Variants in RIMS2 observed in about 807,000 individuals in gnomAD.
RIMS2 encodes regulating synaptic membrane exocytosis protein 2.
RIMS2 carries 59 observed loss-of-function variants against 174.4 expected under a neutral mutation model. The ratio of observed to expected loss-of-function variants is 0.34; its 90% CI spans 0.27 to 0.42. RIMS2 has a LOEUF of 0.42. RIMS2 is among the 10% of genes least tolerant of loss of function. The pLI is 1.00. For synonymous variants in RIMS2, 606 were observed against 572.5 expected, an observed-to-expected ratio of 1.06 and a Z score of -0.84; for missense variants, 1,620 against 1,666.3, an observed-to-expected ratio of 0.97 and a Z score of 0.48.
chr8:103,727,173 G>A (rs1042466550), intron 2 of RIMS2, among the ~76,000 whole-genome samples: 1 of 151,836 alleles, frequency 6.6e-6, no homozygotes, highest in African/African-American at 2.4e-5. Flanking sequence ...GATATTATTT[G>A]AATTTTTTAG....
chr8:104,037,892 A>G (rs760463840), intron 19 of RIMS2, among the ~76,000 whole-genome samples: 19 of 152,136 alleles, frequency 1.2e-4, no homozygotes, highest in Non-Finnish European at 2.1e-4. Flanking sequence ...GTTCCATAAC[A>G]TTATAATACT....
At chr8:103,581,024 G>C (rs1052007986) in intron 1 of RIMS2, among the ~76,000 whole-genome samples, 1 of 151,722 alleles carries the variant, frequency 6.6e-6, no homozygotes, top group African/African-American at 2.4e-5. Context: ...TAGAGATGGG[G>C]TTTTGCTGTG....
intron 13 of RIMS2, among the ~76,000 whole-genome samples, chr8:103,941,866 T>C (rs901422996): frequency 6.6e-6 from 1 of 152,190 alleles, no homozygotes; most frequent in Non-Finnish European, 1.5e-5. Context: ...TCTTTTAACC[T>C]TTGTTAGCCT....
intron 1 of RIMS2, among the ~76,000 whole-genome samples, chr8:103,586,778 C>G (rs2093944087): frequency 6.6e-6 from 1 of 151,616 alleles, no homozygotes; most frequent in East Asian, 1.9e-4. Flanking sequence ...TGAAACAACA[C>G]AAAAGATCAG....
chr8:103,940,093 TA>T (rs2082185824), intron 13 of RIMS2, among the ~76,000 whole-genome samples: 1 of 152,190 alleles, frequency 6.6e-6, no homozygotes, highest in South Asian at 2.1e-4. Context: ...CATTTTCAGG[TA>T]TTTTTTTTAG....
intron 19 of RIMS2, among the ~76,000 whole-genome samples, chr8:104,173,703 A>C (rs1243254399): frequency 7.9e-6 from 1 of 125,970 alleles, no homozygotes; most frequent in African/African-American, 3.1e-5. Flanking sequence ...ATCCTGGCTC[A>C]CTGCAAGCTC....
chr8:104,077,230 C>CGTGGTG (rs562409604), intron 19 of RIMS2, among the ~76,000 whole-genome samples: 2 of 151,672 alleles, frequency 1.3e-5, no homozygotes. Flanking sequence ...TGGTTGTGGT[C>CGTGGTG]GTGGTGGTGG....
chr8:104,095,995 A>G (rs1480589233), intron 19 of RIMS2, among the ~76,000 whole-genome samples: 2 of 152,166 alleles, frequency 1.3e-5, no homozygotes, highest in Non-Finnish European at 2.9e-5. Context: ...ATCTTAAGGC[A>G]TATTTTATTA....
intron 3 of RIMS2, among the ~76,000 whole-genome samples, chr8:103,789,192 A>G (rs1050572159): frequency 2.6e-5 from 4 of 151,094 alleles, no homozygotes; most frequent in African/African-American, 9.8e-5. Flanking sequence ...AGTGAGATGA[A>G]CCCGGTACCT....
chr8:103,504,846 C>CTTTTTTTTTTTTTTTTTTTT (rs11367763), intron 1 of RIMS2, among the ~76,000 whole-genome samples: 1 of 95,094 alleles, frequency 1.1e-5, no homozygotes, highest in Non-Finnish European at 2.0e-5. Context: ...TTCTTTCTTT[C>CTTTTTTTTTTTTTTTTTTTT]TTTTTTTTTT....
At chr8:103,835,188 A>G (rs566903411) in intron 3 of RIMS2, among the ~76,000 whole-genome samples, 65 of 128,920 alleles carry the variant, frequency 5.0e-4, no homozygotes, top group Non-Finnish European at 8.5e-4. Flanking sequence ...TGCACCCTCC[A>G]CCTCCCGGGT....
intron 3 of RIMS2, among the ~76,000 whole-genome samples, chr8:103,799,001 T>C (rs1239462556): frequency 1.3e-5 from 2 of 151,626 alleles, no homozygotes; most frequent in Non-Finnish European, 2.9e-5. Context: ...ATGCCTATTG[T>C]TGAGTTTGAA....
intron 19 of RIMS2, among the ~76,000 whole-genome samples, chr8:104,099,826 T>C (rs2097839433): frequency 6.6e-6 from 1 of 151,706 alleles, no homozygotes; most frequent in Non-Finnish European, 1.5e-5. Flanking sequence ...TTACTTTCTT[T>C]TTTTTTTTGA....
intron 19 of RIMS2, among the ~76,000 whole-genome samples, chr8:104,090,898 T>C (rs947833352): frequency 6.6e-6 from 1 of 151,894 alleles, no homozygotes; most frequent in South Asian, 2.1e-4. Flanking sequence ...CTAGCTAATA[T>C]TATTTAGCTA....
intron 2 of RIMS2, among the ~76,000 whole-genome samples, chr8:103,723,368 C>G (rs980041961): frequency 6.6e-6 from 1 of 152,300 alleles, no homozygotes; most frequent in East Asian, 1.9e-4. Flanking sequence ...CAGGGAAAGC[C>G]CTTTACCAGT....
intron 1 of RIMS2, among the ~76,000 whole-genome samples, chr8:103,551,064 T>G (rs983229022): frequency 4.6e-5 from 7 of 152,024 alleles, no homozygotes; most frequent in Admixed American, 2.6e-4. Flanking sequence ...TTCCAATCAA[T>G]AGAAGAAGAG....
chr8:104,185,730 A>C (rs978933530), intron 19 of RIMS2, among the ~76,000 whole-genome samples: 1 of 151,642 alleles, frequency 6.6e-6, no homozygotes, highest in Admixed American at 6.6e-5. Flanking sequence ...AAAAAGACAA[A>C]AAATAAGAGA....
intron 3 of RIMS2, among the ~76,000 whole-genome samples, chr8:103,793,166 C>T (rs200259285): frequency 2.6e-5 from 4 of 152,188 alleles, no homozygotes; most frequent in East Asian, 1.9e-4. Flanking sequence ...TGATGAACAT[C>T]GATGCAAAAA....
intron 19 of RIMS2, among the ~76,000 whole-genome samples, chr8:104,038,153 AT>A (rs2096550585): frequency 1.3e-5 from 2 of 152,084 alleles, no homozygotes; most frequent in South Asian, 4.1e-4. Flanking sequence ...GGTATCTTAA[AT>A]TTCAAAATAT....
Sources: gnomAD v4.1 joint callset for allele counts (sites outside exome capture counted in the v4.1 genomes callset) on GRCh38, gnomAD v4.1.1 for gene constraint, MANE v1.5 for transcripts, NCBI Gene and HGNC (gene_info 2026-07-23, HGNC 2026-07-21) for gene names.